The following SCML2 variants were observed in gnomAD, a reference collection of about 807,000 sequenced individuals.
SCML2 encodes Scm polycomb group protein like 2, also known as sex comb on midleg-like protein 2.
Under a neutral mutation model 48.4 loss-of-function variants are expected in SCML2, and 6 were observed. The ratio of observed to expected loss-of-function variants is 0.12; its 90% CI spans 0.07 to 0.24. SCML2 has a LOEUF of 0.24. Ranked by LOEUF, SCML2 falls within the 10% of genes least tolerant of loss-of-function variation. The probability of loss-of-function intolerance (pLI) is 1.00; values close to 1 mark genes in which losing one functional copy is unlikely to be tolerated. For missense variants in SCML2, 377 were observed against 528.2 expected (o/e 0.71, Z 2.81); for synonymous variants, 181 against 189.5 (o/e 0.95, Z 0.37).
intron 9 of SCML2, among the ~76,000 whole-genome samples, chrX:18,259,905 T>C (rs1248614856): frequency 1.8e-5 from 2 of 111,876 alleles, no homozygotes; most frequent in African/African-American, 3.2e-5. Flanking sequence ...TTGGACAATG[T>C]AAATTGCATA....
At chrX:18,247,342 G>T (rs1367938317) in intron 12 of SCML2, among the ~76,000 whole-genome samples, 2 of 111,402 alleles carry the variant, frequency 1.8e-5, no homozygotes, top group African/African-American at 6.5e-5. Context: ...ACTATCATTT[G>T]CCAGTCTTGC....
chrX:18,303,171 A>G (rs1928649202), intron 7 of SCML2, among the ~76,000 whole-genome samples: 1 of 111,294 alleles, frequency 9.0e-6, no homozygotes, highest in African/African-American at 3.3e-5. Context: ...TCTCTATAAT[A>G]TACTTTCTGG....
intron 1 of SCML2, among the ~76,000 whole-genome samples, chrX:18,338,363 G>C (rs1390557320): frequency 9.4e-6 from 1 of 106,230 alleles, no homozygotes; most frequent in Non-Finnish European, 1.9e-5. Flanking sequence ...AGAATTGCTC[G>C]AACCTGGGAG....
chrX:18,328,498 C>T (rs959810410), intron 3 of SCML2, among the ~76,000 whole-genome samples: 2 of 110,813 alleles, frequency 1.8e-5, no homozygotes, highest in African/African-American at 6.6e-5. Flanking sequence ...CAGAGAGACC[C>T]CGTCTCTACA....
intron 6 of SCML2, among the ~76,000 whole-genome samples, chrX:18,307,938 A>G (rs778621502): frequency 1.2e-4 from 13 of 110,585 alleles, no homozygotes; most frequent in African/African-American, 4.3e-4. Context: ...TACTAAAAAT[A>G]CAAAAATTAG....
Position 18,324,083 on chromosome X carries a change from G to A in SCML2, c.173C>T (p.Pro58Leu). 8.4e-7 allele frequency: 1 copy of A among 1,186,987 alleles called. No homozygotes were observed. ...ACCAACTTTGAAATCATTCACAGGT[G>A]GAATCTGAGACTATATATATAAATA... ...PSECFRQSQI[P>L]PVNDFKVGMK... Residue 58 changes from proline to leucine, a missense_variant, in exon 5 of 15, where the codon CCA (proline) becomes CTA (leucine). Physicochemically the swap from Pro to Leu is moderately conservative, Grantham distance 98 (BLOSUM62 -3). Transcript: ENST00000251900.
intron 6 of SCML2, among the ~76,000 whole-genome samples, chrX:18,316,632 G>A (rs763874101): frequency 8.9e-6 from 1 of 112,128 alleles, no homozygotes; most frequent in East Asian, 2.8e-4. Flanking sequence ...GCTAATGGTG[G>A]AGCATAGCTT....
At chrX:18,343,923 T>TA (rs1203495780) in intron 1 of SCML2, among the ~76,000 whole-genome samples, 11,450 of 53,140 alleles carry the variant, frequency 0.22, 1,163 homozygotes, top group Middle Eastern at 0.28. Context: ...TGCCTCTATT[T>TA]AAAAAAAAAA....
chrX:18,323,633 C>G (rs1010865257), intron 5 of SCML2, among the ~76,000 whole-genome samples: 1 of 111,388 alleles, frequency 9.0e-6, no homozygotes, highest in African/African-American at 3.3e-5. Flanking sequence ...GAGTCTTGCC[C>G]TGGAGTGGAG....
intron 3 of SCML2, among the ~76,000 whole-genome samples, chrX:18,329,206 T>C (rs750741208): frequency 3.6e-5 from 4 of 111,964 alleles, no homozygotes; most frequent in African/African-American, 1.3e-4. Flanking sequence ...TAAAAACAGA[T>C]GGAGAGGAGT....
intron 7 of SCML2, among the ~76,000 whole-genome samples, chrX:18,303,123 A>T (rs1410533725): frequency 9.0e-6 from 1 of 111,153 alleles, no homozygotes; most frequent in Non-Finnish European, 1.9e-5. Context: ...ACAGCAGGAT[A>T]AAAGCAGAAA....
intron 7 of SCML2, among the ~76,000 whole-genome samples, chrX:18,278,913 G>A (rs930760251): frequency 8.9e-6 from 1 of 112,923 alleles, no homozygotes; most frequent in Non-Finnish European, 1.9e-5. Context: ...GCCCTGAGAG[G>A]GGCAAGACAT....
At chrX:18,299,415 G>C (rs1391804154) in intron 7 of SCML2, among the ~76,000 whole-genome samples, 5 of 110,832 alleles carry the variant, frequency 4.5e-5, no homozygotes, top group Non-Finnish European at 9.4e-5. Context: ...CTACTCGAGA[G>C]GCTGAGGCAG....
chrX:18,332,816 A>T (rs1200615845), intron 2 of SCML2, among the ~76,000 whole-genome samples: 1 of 109,294 alleles, frequency 9.1e-6, no homozygotes, highest in Non-Finnish European at 1.9e-5. Context: ...CTCCACAAAA[A>T]TTTTTTTAAA....
intron 11 of SCML2, among the ~76,000 whole-genome samples, chrX:18,249,362 T>C (rs975395420): frequency 9.0e-6 from 1 of 111,467 alleles, no homozygotes; most frequent in Non-Finnish European, 1.9e-5. Flanking sequence ...AGCCATGCGA[T>C]AATCGCTGGA....
At chrX:18,304,632 T>A in intron 7 of SCML2, among the ~76,000 whole-genome samples, 1 of 112,321 alleles carries the variant, frequency 8.9e-6, no homozygotes, top group East Asian at 2.8e-4. Flanking sequence ...GAATACCATG[T>A]ATAATTTTTA....
intron 7 of SCML2, among the ~76,000 whole-genome samples, chrX:18,297,619 T>C (rs193048078): frequency 3.6e-5 from 4 of 111,530 alleles, no homozygotes; most frequent in Non-Finnish European, 5.7e-5. Context: ...CACACAAAAA[T>C]CAGTAGTGTT....
intron 7 of SCML2, among the ~76,000 whole-genome samples, chrX:18,280,515 A>T (rs1223383598): frequency 8.9e-6 from 1 of 111,837 alleles, no homozygotes; most frequent in East Asian, 2.8e-4. Context: ...ACATATCAGT[A>T]CTAACCTTGA....
At chrX:18,251,072 T>C (rs1392601651) in intron 11 of SCML2, among the ~76,000 whole-genome samples, 4 of 109,643 alleles carry the variant, frequency 3.6e-5, no homozygotes, top group Non-Finnish European at 7.6e-5. Flanking sequence ...TCCCATGACC[T>C]GTGGGGATTA....
Sources: allele counts gnomAD v4.1 joint callset (sites outside exome capture counted in the v4.1 genomes callset), GRCh38; gene constraint gnomAD v4.1.1; transcripts MANE v1.5; gene names NCBI Gene and HGNC (gene_info 2026-07-23, HGNC 2026-07-21).